KIAA0319: variants seen among roughly 807,000 people sequenced by gnomAD.
KIAA0319 encodes the protein dyslexia-associated protein KIAA0319.
Under a neutral mutation model 108.4 loss-of-function variants are expected in KIAA0319, and 83 were observed. The ratio of observed to expected loss-of-function variants is 0.77; its 90% confidence interval spans 0.64 to 0.92. The LOEUF (loss-of-function observed/expected upper bound fraction) is 0.92. Among genes scored for constraint, KIAA0319 ranks in the 40% least tolerant of loss-of-function variants. The pLI is 0.00. For synonymous variants in KIAA0319, 484 were observed against 510.4 expected (o/e 0.95, Z 0.70); for missense variants, 1,195 against 1,322.4 (o/e 0.90, Z 1.49).
chr6:24,583,734 TATATA>T (rs1442890867), intron 4 of KIAA0319, 32 bp from the exon 5 acceptor site: 2 of 1,320,728 alleles, frequency 1.5e-6, no homozygotes, highest in South Asian at 1.2e-5. Context: ...TACGTGCAAT[TATATA>T]ATATAATGTG....
chr6:24,556,048 C>G (rs1762240908), intron 18 of KIAA0319, among the ~76,000 whole-genome samples: 1 of 152,174 alleles, frequency 6.6e-6, no homozygotes, highest in African/African-American at 2.4e-5. Context: ...AACTTACTAC[C>G]AAGTGAGCTG....
intron 2 of KIAA0319, chr6:24,598,914 A>G: frequency 2.2e-6 from 1 of 453,270 alleles, no homozygotes; most frequent in Non-Finnish European, 4.1e-6. Context: ...AATTTTAGCG[A>G]TGGAGAATGA....
intron 1 of KIAA0319, among the ~76,000 whole-genome samples, chr6:24,641,062 C>T (rs1275713865): frequency 6.6e-6 from 1 of 152,212 alleles, no homozygotes; most frequent in South Asian, 2.1e-4. Context: ...TAAACAATAA[C>T]ACCCCATTCC....
At chr6:24,552,626 A>G (rs570091220) in intron 19 of KIAA0319, among the ~76,000 whole-genome samples, 106 of 151,916 alleles carry the variant, frequency 7.0e-4, no homozygotes, top group Middle Eastern at 3.4e-3. Context: ...TTTTTTTGAG[A>G]TGGAGTTTTG....
chr6:24,549,978 TAAGACA>T (rs1308288846), intron 20 of KIAA0319, among the ~76,000 whole-genome samples: 4 of 152,160 alleles, frequency 2.6e-5, no homozygotes, highest in Non-Finnish European at 5.9e-5. Flanking sequence ...GAGTGTATTT[TAAGACA>T]AAGATGGGTG....
chr6:24,562,012 G>A (rs980991412), intron 16 of KIAA0319, among the ~76,000 whole-genome samples: 6 of 152,244 alleles, frequency 3.9e-5, no homozygotes, highest in Non-Finnish European at 8.8e-5. Flanking sequence ...CACCTGGCAA[G>A]TTTTTTGTGG....
chr6:24,632,289 G>T (rs183062272), intron 1 of KIAA0319, among the ~76,000 whole-genome samples: 56 of 152,240 alleles, frequency 3.7e-4, no homozygotes, highest in African/African-American at 1.2e-3. Context: ...CGCATTAGTT[G>T]AGCATCCCAA....
chr6:24,640,827 A>AT (rs950744231), intron 1 of KIAA0319, among the ~76,000 whole-genome samples: 7 of 150,908 alleles, frequency 4.6e-5, no homozygotes, highest in South Asian at 2.1e-4. Context: ...TAATTTTTGT[A>AT]TTTTTTTGTG....
intron 16 of KIAA0319, among the ~76,000 whole-genome samples, chr6:24,561,631 C>T (rs551224803): frequency 2.6e-5 from 4 of 152,164 alleles, no homozygotes; most frequent in South Asian, 4.1e-4. Flanking sequence ...TCACAGCAGC[C>T]TCAACCTCCC....
chr6:24,558,991 G>A (rs1332934295), intron 17 of KIAA0319, 22 bp downstream of exon 17: 1 of 1,596,156 alleles, frequency 6.3e-7, no homozygotes, highest in African/African-American at 1.3e-5. Context: ...GATTGTTTTA[G>A]AATATTCCAT....
chr6:24,596,377 A>G lies in KIAA0319; in HGVS notation c.297T>C (p.Tyr99=), dbSNP rs746291834. The change falls in exon 3 of 21, where the codon TAT becomes TAC. Residue 99 remains tyrosine (Y), a synonymous_variant. Transcript: ENST00000378214. The stretch of plus-strand genomic sequence containing the variant: ...GAACAGGCCGGAGCACAAAAGTGAG[A>G]TAAGACCTGATGGGGCCCATCTTCT... ...EPKKMGPIRS[Y]LTFVLRPVQR... is the part of the protein sequence containing the mutation. 1.2e-6 allele frequency: 2 copies of G among 1,614,208 alleles called. No individual in the cohort carries two copies. The highest frequency in any genetic ancestry group is 1.7e-6 in the Non-Finnish European group (2 of 1,180,026).
chr6:24,626,563 T>C (rs1365732066), intron 1 of KIAA0319, among the ~76,000 whole-genome samples: 1 of 152,132 alleles, frequency 6.6e-6, no homozygotes, highest in South Asian at 2.1e-4. Context: ...GTTTTGAAAT[T>C]GATGGTTGGA....
intron 3 of KIAA0319, among the ~76,000 whole-genome samples, chr6:24,592,469 T>C (rs1768652011): frequency 6.6e-6 from 1 of 152,186 alleles, no homozygotes; most frequent in South Asian, 2.1e-4. Context: ...TCTCACTCTG[T>C]TGCCCAGGCT....
At chr6:24,557,476 C>T (rs1156637664) in intron 17 of KIAA0319, among the ~76,000 whole-genome samples, 6 of 152,128 alleles carry the variant, frequency 3.9e-5, no homozygotes, top group Non-Finnish European at 7.3e-5. Context: ...GCACTGCAGC[C>T]GGGGCAACAG....
chr6:24,643,801 T>G (rs904381165), intron 1 of KIAA0319, among the ~76,000 whole-genome samples: 4 of 152,224 alleles, frequency 2.6e-5, no homozygotes, highest in Admixed American at 2.0e-4. Context: ...CTTAAACATA[T>G]TATTGTATTT....
chr6:24,612,775 G>C (rs771335523), intron 1 of KIAA0319, among the ~76,000 whole-genome samples: 8 of 152,110 alleles, frequency 5.3e-5, no homozygotes, highest in Non-Finnish European at 1.0e-4. Context: ...CTGATGAGGG[G>C]AGAGAGGGCT....
At chr6:24,576,673 A>C (rs1765585563) in intron 9 of KIAA0319, 77 bp from the exon 10 acceptor site, 12 of 1,155,966 alleles carry the variant, frequency 1.0e-5, no homozygotes, top group African/African-American at 1.5e-5. Context: ...TAATCCCAAC[A>C]CTGTGGGAAG....
At chr6:24,629,007 A>C (rs1320114469) in intron 1 of KIAA0319, among the ~76,000 whole-genome samples, 2 of 152,196 alleles carry the variant, frequency 1.3e-5, no homozygotes, top group Admixed American at 1.3e-4. Context: ...CACGCAACCC[A>C]TAACACCATT....
intron 5 of KIAA0319, 104 bp from the exon 6 acceptor site, chr6:24,582,450 C>G (rs949194643): frequency 9.1e-5 from 53 of 579,640 alleles, no homozygotes; most frequent in South Asian, 7.3e-4. Context: ...TGCAGATTAC[C>G]TTAGATATAC....
Sources: gnomAD v4.1 joint callset for allele counts (sites outside exome capture counted in the v4.1 genomes callset) on GRCh38, gnomAD v4.1.1 for gene constraint, MANE v1.5 for transcripts, NCBI Gene and HGNC (gene_info 2026-07-23, HGNC 2026-07-21) for gene names.